Variants in KLF13 observed in about 807,000 individuals in gnomAD.
KLF13 encodes KLF transcription factor 13.
Under a neutral mutation model 16.7 loss-of-function variants are expected in KLF13, and 8 were observed. That is an observed-to-expected ratio of 0.48 (90% CI 0.28 to 0.87). KLF13 has a LOEUF of 0.87. Among genes scored for constraint, KLF13 ranks in the 40% least tolerant of loss-of-function variants. The pLI, the probability that KLF13 is intolerant of heterozygous loss-of-function variation, is 0.10. For missense variants in KLF13, 447 were observed against 452.2 expected, an observed-to-expected ratio of 0.99 and a Z score of 0.10; for synonymous variants, 245 against 208.4, an observed-to-expected ratio of 1.18 and a Z score of -1.51.
intron 1 of KLF13, among the ~76,000 whole-genome samples, chr15:31,363,529 C>G (rs866176459): frequency 1.3e-5 from 2 of 152,250 alleles, no homozygotes; most frequent in African/African-American, 4.8e-5. Flanking sequence ...CTCTGTCACC[C>G]AGGCTGGAGT....
intron 2 of KLF13, among the ~76,000 whole-genome samples, chr15:31,401,295 C>T (rs1220739573): frequency 3.3e-5 from 5 of 152,342 alleles, no homozygotes; most frequent in African/African-American, 1.2e-4. Flanking sequence ...CCACTGCACC[C>T]GGCCGAGACA....
chr15:31,385,477 A>G (rs1012663148), intron 1 of KLF13, among the ~76,000 whole-genome samples: 5 of 152,220 alleles, frequency 3.3e-5, no homozygotes, highest in African/African-American at 1.2e-4. Flanking sequence ...GAACAAGTCT[A>G]TTGGTGCCAT....
intron 1 of KLF13, among the ~76,000 whole-genome samples, chr15:31,417,332 T>C (rs2040266717): frequency 1.3e-5 from 2 of 151,760 alleles, no homozygotes; most frequent in Non-Finnish European, 2.9e-5. Flanking sequence ...CCATCTCTAC[T>C]AAAAATACAA....
chr15:31,413,833 A>G (rs1338373591), intron 1 of KLF13, among the ~76,000 whole-genome samples: 1 of 152,206 alleles, frequency 6.6e-6, no homozygotes. Context: ...ACTGTCTTTT[A>G]AAAAGACACT....
intron 1 of KLF13, among the ~76,000 whole-genome samples, chr15:31,423,777 T>C (rs966546347): frequency 2.0e-5 from 3 of 152,156 alleles, no homozygotes; most frequent in African/African-American, 7.2e-5. Flanking sequence ...ACAAAACAAA[T>C]CTTAAATTTA....
At chr15:31,424,291 C>T (rs2040377030) in intron 1 of KLF13, among the ~76,000 whole-genome samples, 1 of 152,016 alleles carries the variant, frequency 6.6e-6, no homozygotes, top group Admixed American at 6.6e-5. Context: ...TACAAACTTC[C>T]CTGATTAATA....
chr15:31,352,164 C>T (rs2039227168), intron 1 of KLF13, among the ~76,000 whole-genome samples: 1 of 152,202 alleles, frequency 6.6e-6, no homozygotes, highest in African/African-American at 2.4e-5. Flanking sequence ...CTGCCCCGTA[C>T]CTGGGAGCTT....
chr15:31,331,733 A>G (rs1033243384), intron 1 of KLF13, among the ~76,000 whole-genome samples: 1 of 152,120 alleles, frequency 6.6e-6, no homozygotes, highest in Non-Finnish European at 1.5e-5. Flanking sequence ...CTCCTCAAAC[A>G]ATGCAGAAAT....
At chr15:31,331,918 T>G (rs983228852) in intron 1 of KLF13, among the ~76,000 whole-genome samples, 1 of 152,242 alleles carries the variant, frequency 6.6e-6, no homozygotes, top group African/African-American at 2.4e-5. Flanking sequence ...ACTGCTGGCA[T>G]TTTGTTCCAT....
At chr15:31,329,863 G>A (rs979408669) in intron 1 of KLF13, among the ~76,000 whole-genome samples, 11 of 152,226 alleles carry the variant, frequency 7.2e-5, no homozygotes, top group Non-Finnish European at 1.5e-4. Context: ...CCGGCAGCGG[G>A]GTGGCGGGGA....
intron 2 of KLF13, among the ~76,000 whole-genome samples, chr15:31,396,040 T>G (rs947425171): frequency 3.3e-5 from 5 of 152,196 alleles, no homozygotes; most frequent in Non-Finnish European, 7.4e-5. Context: ...CTTTCTTTTT[T>G]TTGAGACGGA....
At chr15:31,369,366 C>T (rs1192970041) in intron 1 of KLF13, among the ~76,000 whole-genome samples, 3 of 152,210 alleles carry the variant, frequency 2.0e-5, no homozygotes, top group African/African-American at 4.8e-5. Context: ...CATTTCCTGC[C>T]ACCACCTCAT....
upstream of KLF13, among the ~76,000 whole-genome samples, chr15:31,387,893 G>A (rs983896236): frequency 3.3e-5 from 5 of 152,316 alleles, no homozygotes; most frequent in Middle Eastern, 3.4e-3. Flanking sequence ...CCCATAATAG[G>A]GGTGCTGCCA....
chr15:31,427,345 C>T (rs766823379), intron 1 of KLF13, among the ~76,000 whole-genome samples: 3 of 151,948 alleles, frequency 2.0e-5, no homozygotes, highest in East Asian at 3.9e-4. Context: ...AAACAAAAAA[C>T]AAAACAAAAA....
intron 1 of KLF13, among the ~76,000 whole-genome samples, chr15:31,350,933 CATG>C (rs1192594383): frequency 6.6e-6 from 1 of 152,240 alleles, no homozygotes; most frequent in Non-Finnish European, 1.5e-5. Context: ...TGTGTAAGAA[CATG>C]ATGATGACAG....
chr15:31,328,093 C>G (rs1471214838), intron 1 of KLF13, among the ~76,000 whole-genome samples: 1 of 139,112 alleles, frequency 7.2e-6, no homozygotes, highest in Non-Finnish European at 1.6e-5. Context: ...GGGGCGGGGA[C>G]CCCTCCCGGC....
intron 1 of KLF13, among the ~76,000 whole-genome samples, chr15:31,342,610 G>A (rs2039046185): frequency 2.0e-5 from 3 of 152,182 alleles, no homozygotes; most frequent in East Asian, 1.9e-4. Flanking sequence ...TTTGTGTCTC[G>A]CCTGGGCTTC....
intron 1 of KLF13, among the ~76,000 whole-genome samples, chr15:31,360,279 G>T (rs535026875): frequency 6.6e-6 from 1 of 152,232 alleles, no homozygotes; most frequent in Non-Finnish European, 1.5e-5. Context: ...CAGCGGGCAG[G>T]CCTGTGCCGG....
At chr15:31,413,187 C>CAAAAAAAAAAAAAAAAAAAAA (rs1161762538) in intron 1 of KLF13, among the ~76,000 whole-genome samples, 6 of 63,350 alleles carry the variant, frequency 9.5e-5, no homozygotes, top group Admixed American at 2.0e-4. Flanking sequence ...AATGAATAGA[C>CAAAAAAAAAAAAAAAAAAAAA]AAAAAAAAAA....
Sources: gnomAD v4.1 joint callset for allele counts (sites outside exome capture counted in the v4.1 genomes callset) on GRCh38, gnomAD v4.1.1 for gene constraint, MANE v1.5 for transcripts, NCBI Gene and HGNC (gene_info 2026-07-23, HGNC 2026-07-21) for gene names.